The following PAX7 variants were observed in gnomAD, a reference collection of about 807,000 sequenced individuals.
PAX7 encodes the protein paired box 7.
A neutral mutation model predicts 50.7 loss-of-function variants in PAX7; 18 were observed. That is an observed-to-expected ratio of 0.36 (90% CI 0.25 to 0.53). PAX7 has a LOEUF of 0.53. Ranked by LOEUF, PAX7 falls within the 20% of genes least tolerant of loss-of-function variation. The probability of loss-of-function intolerance (pLI) is 0.93; values close to 1 mark genes in which losing one functional copy is unlikely to be tolerated. For missense variants in PAX7, 644 were observed against 702.9 expected (o/e 0.92, Z 0.95); for synonymous variants, 310 against 290.4 (o/e 1.07, Z -0.69).
At chr1:18,743,135 A>G (rs1159280274) in intron 8 of PAX7, among the ~76,000 whole-genome samples, 1 of 152,228 alleles carries the variant, frequency 6.6e-6, no homozygotes, top group African/African-American at 2.4e-5. Flanking sequence ...TGTGCCAGGC[A>G]TAGTACTAGC....
Position 18,691,898 on chromosome 1 carries a change from T to C in PAX7, c.731T>C (p.Ile244Thr), listed in dbSNP as rs2089076477. 2 of 1,613,764 alleles carry C rather than the reference T, an allele frequency of 1.2e-6. No homozygotes were observed. Among genetic ancestry groups the C allele is most frequent in the African/African-American group, 1.3e-5 (1 of 74,886 alleles). ...TTTGAGAGGACCCACTACCCAGACA[T>C]ATACACCCGCGAGGAGCTGGCGCAG... ...KAFERTHYPD[I>T]YTREELAQRT... Residue 244 changes from isoleucine to threonine, a missense_variant, in exon 5 of 9, where the codon ATA (isoleucine) becomes ACA (threonine). Ile to Thr is a moderately conservative substitution (Grantham distance 89). Transcript: ENST00000420770.
At position 18,748,721 on chromosome 1, in the gene PAX7, A is replaced by G. The variant is rs1405566190; in HGVS notation, c.*3792A>G. On this transcript the variant is annotated 3_prime_UTR_variant, in exon 9 of 9. Coordinates refer to ENST00000420770, the MANE Select transcript of PAX7 (RefSeq NM_001135254.2). Reference sequence around the variant, plus strand: ...GCGTGTGGGCGTGAGGTGTGTGTTTAAATATAATCACACCATAATTTATTC... The same window carrying G: ...GCGTGTGGGCGTGAGGTGTGTGTTTGAATATAATCACACCATAATTTATTC... 4.3e-6 allele frequency: 1 copy of G among 231,428 alleles called. No homozygotes were observed. Among genetic ancestry groups the G allele is most frequent in the Non-Finnish European group, 8.5e-6 (1 of 117,026 alleles). 14.3% of individuals were successfully genotyped at this position (231,428 alleles called of 1,614,324 possible).
At chr1:18,647,862 G>A (rs1570118967) in intron 4 of PAX7, among the ~76,000 whole-genome samples, 1 of 152,172 alleles carries the variant, frequency 6.6e-6, no homozygotes, top group South Asian at 2.1e-4. Flanking sequence ...CAGATGCTCA[G>A]CCAAGTGCAA....
At chr1:18,694,388 G>A (rs2089122248) in intron 5 of PAX7, among the ~76,000 whole-genome samples, 1 of 151,760 alleles carries the variant, frequency 6.6e-6, no homozygotes, top group African/African-American at 2.4e-5. Context: ...GAACTCGGTA[G>A]GTGGAGGTTG....
At chr1:18,682,814 G>A (rs567412167) in intron 4 of PAX7, among the ~76,000 whole-genome samples, 2 of 152,286 alleles carry the variant, frequency 1.3e-5, no homozygotes, top group East Asian at 1.9e-4. Flanking sequence ...CTGTGGGGGC[G>A]GGGTAGGCAG....
intron 4 of PAX7, among the ~76,000 whole-genome samples, chr1:18,680,084 A>G (rs1223604895): frequency 3.3e-5 from 5 of 152,100 alleles, no homozygotes; most frequent in African/African-American, 4.8e-5. Context: ...CATTTTACAG[A>G]TGAGGAAATT....
At chr1:18,715,790 T>G (rs1329876615) in intron 7 of PAX7, among the ~76,000 whole-genome samples, 3 of 152,176 alleles carry the variant, frequency 2.0e-5, no homozygotes, top group Non-Finnish European at 4.4e-5. Flanking sequence ...TAGCATAATA[T>G]GAGGTAGCTG....
At chr1:18,690,658 T>TCCAGGC (rs1023863152) in intron 4 of PAX7, among the ~76,000 whole-genome samples, 2 of 152,212 alleles carry the variant, frequency 1.3e-5, no homozygotes, top group African/African-American at 4.8e-5. Flanking sequence ...TTCTGGGCTC[T>TCCAGGC]CCAGGCCCAG....
intron 4 of PAX7, among the ~76,000 whole-genome samples, chr1:18,688,232 G>A (rs955189803): frequency 6.6e-6 from 1 of 152,058 alleles, no homozygotes; most frequent in African/African-American, 2.4e-5. Context: ...AAATAGATGG[G>A]AACCATAAAA....
intron 4 of PAX7, among the ~76,000 whole-genome samples, chr1:18,637,742 C>G (rs951196038): frequency 2.6e-5 from 4 of 152,268 alleles, no homozygotes; most frequent in Non-Finnish European, 4.4e-5. Context: ...CGGGCAGCCC[C>G]GTGTGACAGC....
intron 7 of PAX7, among the ~76,000 whole-genome samples, chr1:18,728,189 G>T (rs1557555687): frequency 6.6e-6 from 1 of 152,192 alleles, no homozygotes; most frequent in Non-Finnish European, 1.5e-5. Context: ...GACGAAGGCG[G>T]AGTTGTGGGG....
At chr1:18,680,049 G>T (rs746881515) in intron 4 of PAX7, among the ~76,000 whole-genome samples, 1 of 152,156 alleles carries the variant, frequency 6.6e-6, no homozygotes, top group African/African-American at 2.4e-5. Context: ...TGACAACTCT[G>T]TGGGGTTGGT....
At chr1:18,655,626 G>A (rs762688291) in intron 4 of PAX7, among the ~76,000 whole-genome samples, 3 of 152,222 alleles carry the variant, frequency 2.0e-5, no homozygotes, top group Non-Finnish European at 2.9e-5. Flanking sequence ...GCTGAAGTCT[G>A]GCGGCCTCCG....
chr1:18,635,700 C>T, intron 3 of PAX7, among the ~76,000 whole-genome samples: 1 of 152,122 alleles, frequency 6.6e-6, no homozygotes, highest in East Asian at 1.9e-4. Flanking sequence ...CTTCCCTAGA[C>T]CACCGTCTCA....
chr1:18,668,984 A>G (rs1327141028), intron 4 of PAX7, among the ~76,000 whole-genome samples: 1 of 152,174 alleles, frequency 6.6e-6, no homozygotes, highest in African/African-American at 2.4e-5. Flanking sequence ...GCTATAGATG[A>G]GTTCTTCCCA....
Position 18,634,688 on chromosome 1 carries a change from C to A in PAX7, c.321+150C>A. ...TCCCAGATGTCCTCCCATTGTTTTC[C>A]TATTATTTGAATTTCTCAGAGATGG... On this transcript the variant is annotated intron_variant, in intron 2 of 8. Coordinates refer to ENST00000420770, the MANE Select transcript of PAX7 (RefSeq NM_001135254.2). This position sits in a 1 kb window ranked among gnomAD's most constrained non-coding sequence, Gnocchi z 4.0. 1 of 667,670 alleles carries A rather than the reference C, an allele frequency of 1.5e-6. No individual in the cohort carries two copies. Among genetic ancestry groups the A allele is most frequent in the East Asian group, 2.7e-5 (1 of 36,898 alleles). 41.4% of individuals were successfully genotyped at this position (667,670 alleles called of 1,614,324 possible).
intron 8 of PAX7, among the ~76,000 whole-genome samples, chr1:18,739,033 C>T (rs904299854): frequency 3.9e-5 from 6 of 152,226 alleles, no homozygotes; most frequent in Non-Finnish European, 8.8e-5. Context: ...ATGTCCTGGA[C>T]TGTGCCCGCC....
At chr1:18,679,554 T>C (rs2088868702) in intron 4 of PAX7, among the ~76,000 whole-genome samples, 1 of 152,206 alleles carries the variant, frequency 6.6e-6, no homozygotes, top group Non-Finnish European at 1.5e-5. Flanking sequence ...CTGCTCCAGC[T>C]TCCTGGGCGT....
intron 5 of PAX7, among the ~76,000 whole-genome samples, chr1:18,692,354 C>T (rs757285188): frequency 6.6e-6 from 1 of 152,010 alleles, no homozygotes; most frequent in Non-Finnish European, 1.5e-5. Context: ...CCTGCCTGGC[C>T]AACATGGTGA....
Sources: gnomAD v4.1 joint callset for allele counts (sites outside exome capture counted in the v4.1 genomes callset) on GRCh38, gnomAD v4.1.1 for gene constraint, Gnocchi (gnomAD v3.1) non-coding constraint, MANE v1.5 for transcripts, NCBI Gene and HGNC (gene_info 2026-07-23, HGNC 2026-07-21) for gene names.